The following PRKCB variants were observed in gnomAD, a reference collection of about 807,000 sequenced individuals.
PRKCB encodes protein kinase C beta type.
In PRKCB, 13 loss-of-function variants were observed where a neutral mutation model predicts 81.5. The observed-to-expected ratio is 0.16, with a 90% CI of 0.10 to 0.25. The LOEUF (loss-of-function observed/expected upper bound fraction) is 0.25. PRKCB is among the 10% of genes least tolerant of loss of function. The pLI is 1.00. For synonymous variants in PRKCB, 335 were observed against 321.4 expected (o/e 1.04, Z -0.45); for missense variants, 509 against 875.7 (o/e 0.58, Z 5.29).
intron 5 of PRKCB, among the ~76,000 whole-genome samples, chr16:24,056,544 C>T (rs1159234704): frequency 1.3e-5 from 2 of 152,178 alleles, no homozygotes; most frequent in Non-Finnish European, 2.9e-5. Flanking sequence ...GGTGAGGCCT[C>T]GTGGGAGGTG....
At chr16:24,123,278 T>C (rs1417401131) in intron 8 of PRKCB, among the ~76,000 whole-genome samples, 2 of 152,046 alleles carry the variant, frequency 1.3e-5, no homozygotes, top group Non-Finnish European at 2.9e-5. Context: ...GCCCTGTGGT[T>C]GGAGGGGCCT....
intron 2 of PRKCB, among the ~76,000 whole-genome samples, chr16:23,945,736 A>AAAAAGG (rs1964197361): frequency 6.6e-6 from 1 of 152,066 alleles, no homozygotes; most frequent in East Asian, 1.9e-4. Context: ...AAAGAAAAAG[A>AAAAAGG]AAAAGAAAAA....
intron 7 of PRKCB, among the ~76,000 whole-genome samples, chr16:24,112,329 G>T (rs1225301731): frequency 6.6e-6 from 1 of 152,150 alleles, no homozygotes; most frequent in Non-Finnish European, 1.5e-5. Flanking sequence ...AGGAATTCAA[G>T]ACTAGTCTGA....
chr16:24,030,652 G>C (rs1241191964), intron 3 of PRKCB, among the ~76,000 whole-genome samples: 1 of 151,000 alleles, frequency 6.6e-6, no homozygotes, highest in Non-Finnish European at 1.5e-5. Context: ...GCTGAGGTGG[G>C]AGGATCATTT....
In PRKCB at chr16:24,215,649, A is replaced by G. The variant is rs79376982; in HGVS notation, c.*833A>G. The G allele has an allele frequency of 4.3e-6, 4 of 922,694 alleles. No individual in the cohort carries two copies. The highest frequency in any genetic ancestry group is 5.2e-6 in the Non-Finnish European group (4 of 774,418). 57.2% of individuals were successfully genotyped at this position (922,694 alleles called of 1,614,324 possible). ...GTTGTTGTTCAAATGCAAAAAAAAG[A>G]AAAAAAAAGAAAAAAAAAGGTGACT... On this transcript the variant is annotated 3_prime_UTR_variant, in exon 17 of 17. Transcript: ENST00000643927.
chr16:24,007,923 T>C (rs913817917), intron 3 of PRKCB, among the ~76,000 whole-genome samples: 1 of 152,064 alleles, frequency 6.6e-6, no homozygotes, highest in Non-Finnish European at 1.5e-5. Context: ...CTCTGCTCTT[T>C]TGTGTTCATG....
chr16:24,130,398 G>C (rs1473358557), intron 9 of PRKCB, among the ~76,000 whole-genome samples: 1 of 152,132 alleles, frequency 6.6e-6, no homozygotes, highest in African/African-American at 2.4e-5. Context: ...TAAAGGACGA[G>C]TTAAGTTAAC....
chr16:23,998,479 G>A (rs1964988288), intron 3 of PRKCB, among the ~76,000 whole-genome samples: 1 of 152,188 alleles, frequency 6.6e-6, no homozygotes, highest in African/African-American at 2.4e-5. Flanking sequence ...AGGAAAGCTA[G>A]AGAAACGGTA....
At chr16:24,125,278 T>A (rs543148877) in intron 9 of PRKCB, among the ~76,000 whole-genome samples, 2 of 152,286 alleles carry the variant, frequency 1.3e-5, no homozygotes, top group East Asian at 3.9e-4. Context: ...GAAGCAATTC[T>A]ATGTTACATC....
chr16:23,923,065 A>G (rs1963849314), intron 2 of PRKCB, among the ~76,000 whole-genome samples: 1 of 152,118 alleles, frequency 6.6e-6, no homozygotes, highest in Non-Finnish European at 1.5e-5. Context: ...TTAAAATTTC[A>G]GGTTGGGACA....
At chr16:23,952,746 A>C (rs1461617688) in intron 2 of PRKCB, among the ~76,000 whole-genome samples, 1 of 152,030 alleles carries the variant, frequency 6.6e-6, no homozygotes, top group Non-Finnish European at 1.5e-5. Flanking sequence ...AGATTGTTAG[A>C]CCCAAATAAT....
chr16:24,021,632 G>C (rs1965406034), intron 3 of PRKCB, among the ~76,000 whole-genome samples: 1 of 152,000 alleles, frequency 6.6e-6, no homozygotes, highest in Non-Finnish European at 1.5e-5. Context: ...CAGGGGGGCA[G>C]CCAGGGGACA....
chr16:23,957,275 G>T (rs1393825748), intron 2 of PRKCB, among the ~76,000 whole-genome samples: 1 of 152,150 alleles, frequency 6.6e-6, no homozygotes, highest in Non-Finnish European at 1.5e-5. Flanking sequence ...TTTGTTCAAG[G>T]ATTGAGATTC....
chr16:24,171,050 A>G (rs1567400674), intron 10 of PRKCB, among the ~76,000 whole-genome samples: 1 of 152,150 alleles, frequency 6.6e-6, no homozygotes, highest in African/African-American at 2.4e-5. Flanking sequence ...TTTGATAGCC[A>G]CTATGTTATC....
chr16:23,847,840 AAGG>A (rs1158991286), intron 2 of PRKCB, among the ~76,000 whole-genome samples: 2 of 152,248 alleles, frequency 1.3e-5, no homozygotes, highest in African/African-American at 4.8e-5. Flanking sequence ...GGTCTTTTAA[AAGG>A]AGAACAGCAC....
Position 24,094,196 on chromosome 16 carries a change from G to A in PRKCB, c.720G>A (p.Leu240=), listed in dbSNP as rs1200058840. 6.2e-7 allele frequency: 1 copy of A among 1,614,174 alleles called. No homozygotes were observed. The highest frequency in any genetic ancestry group is 8.5e-7 in the Non-Finnish European group (1 of 1,180,032). Residue 240 remains leucine (L), a synonymous_variant, in exon 7 of 17, where the codon CTG becomes CTA. Coordinates refer to ENST00000643927, the MANE Select transcript of PRKCB (RefSeq NM_002738.7). ...QLKESDKDRR[L]SVEIWDWDLT... ...AAGAATCGGACAAAGACAGAAGACT[G>A]TCAGTAGAGATTTGGGATTGGGATT...
At chr16:23,895,643 T>C (rs1335526420) in intron 2 of PRKCB, among the ~76,000 whole-genome samples, 1 of 152,204 alleles carries the variant, frequency 6.6e-6, no homozygotes, top group Non-Finnish European at 1.5e-5. Context: ...GTGAAGTTAC[T>C]CAGATCTGAG....
intron 2 of PRKCB, among the ~76,000 whole-genome samples, chr16:23,853,032 C>A (rs1323029561): frequency 1.3e-5 from 2 of 152,198 alleles, no homozygotes; most frequent in Non-Finnish European, 2.9e-5. Flanking sequence ...TGGGGAACAT[C>A]TGCTTCCTGT....
intron 6 of PRKCB, 125 bp downstream of exon 6, chr16:24,093,072 T>C (rs1375114190): frequency 7.7e-6 from 8 of 1,035,290 alleles, no homozygotes; most frequent in African/African-American, 1.6e-5. Flanking sequence ...CTTTTCTGTC[T>C]TCTCCATCCC....
Sources: gnomAD v4.1 joint callset for allele counts (sites outside exome capture counted in the v4.1 genomes callset) on GRCh38, gnomAD v4.1.1 for gene constraint, MANE v1.5 for transcripts, NCBI Gene and HGNC (gene_info 2026-07-23, HGNC 2026-07-21) for gene names.